Variants in STX11 observed in about 807,000 individuals in gnomAD.
STX11 encodes syntaxin 11, also known as syntaxin-11.
In STX11, 21 loss-of-function variants were observed where a neutral mutation model predicts 19.9. That is an observed-to-expected ratio of 1.06 (90% CI 0.75 to 1.52). The LOEUF is 1.52. STX11 is among the 40% of genes most tolerant of loss of function. STX11 has a pLI of 0.00. For synonymous variants in STX11, 193 were observed against 174.4 expected, an observed-to-expected ratio of 1.11 and a Z score of -0.84; for missense variants, 438 against 405.9, an observed-to-expected ratio of 1.08 and a Z score of -0.68.
upstream of STX11, among the ~76,000 whole-genome samples, chr6:144,149,855 C>A (rs913235548): frequency 3.9e-5 from 6 of 152,228 alleles, no homozygotes; most frequent in South Asian, 2.1e-4. The surrounding 1 kb of genome is among the most constrained non-coding windows in gnomAD (Gnocchi z 5.1). Context: ...CACCACCTGG[C>A]ACAATCCACA....
rs1801794564 is a variant in STX11, at chr6:144,177,007, TA to T, written c.-5-9614del. ...TTTTTCTGGGAGAATTTAACAGGAG[TA>T]ACCAGGCAATGAGACTAGAATAAGT... is the stretch of plus-strand genomic sequence containing the variant. On this transcript the variant is annotated intron_variant, in intron 1 of 1. Transcript: ENST00000367568. This position sits in a 1 kb window ranked among gnomAD's most constrained non-coding sequence, Gnocchi z 4.4. Among the ~76,000 whole-genome samples, 1 of 152,006 alleles carries T rather than the reference TA, an allele frequency of 6.6e-6. No homozygotes were observed. Among genetic ancestry groups the T allele is most frequent in the Non-Finnish European group, 1.5e-5 (1 of 67,996 alleles).
rs759886233 is a variant in STX11, at chr6:144,176,681, A to G, written c.-5-9942A>G. On this transcript the variant is annotated intron_variant, in intron 1 of 1. Coordinates refer to ENST00000367568, the MANE Select transcript of STX11 (RefSeq NM_003764.4). The surrounding 1 kb of genome is among the most constrained non-coding windows in gnomAD (Gnocchi z 4.1). Reference sequence around the variant, plus strand: ...GCTATTTTAACTCCCAGGAAAGAGAAACATTTTAAATCAAATCAAGCTGAT... The same window carrying G: ...GCTATTTTAACTCCCAGGAAAGAGAGACATTTTAAATCAAATCAAGCTGAT... Among the ~76,000 whole-genome samples the G allele has an allele frequency of 3.3e-5, 5 of 152,226 alleles. No individual in the cohort carries two copies. The highest frequency in any genetic ancestry group is 5.9e-5 in the Non-Finnish European group (4 of 68,042).
chr6:144,166,033 G>A (rs1419009806), intron 1 of STX11, among the ~76,000 whole-genome samples: 2 of 152,166 alleles, frequency 1.3e-5, no homozygotes, highest in South Asian at 2.1e-4. Context: ...ATTAGCAGCC[G>A]TAGGAGTATC....
chr6:144,160,167 T>C lies in STX11; in HGVS notation c.-6+9464T>C, dbSNP rs1801298004. Reference sequence around the variant, plus strand: ...ACAGGTGTGCACCACCACACCCAGCTAATTTTTGTATTTTTTTAGTAGAGA... The same window carrying C: ...ACAGGTGTGCACCACCACACCCAGCCAATTTTTGTATTTTTTTAGTAGAGA... On this transcript the variant is annotated intron_variant, in intron 1 of 1. Transcript: ENST00000367568. This position sits in a 1 kb window ranked among gnomAD's most constrained non-coding sequence, Gnocchi z 4.3. Among the ~76,000 whole-genome samples the C allele has an allele frequency of 6.6e-6, 1 of 152,178 alleles. No homozygotes were observed. The highest frequency in any genetic ancestry group is 1.5e-5 in the Non-Finnish European group (1 of 68,040).
Position 144,159,134 on chromosome 6 carries a change from G to T in STX11, c.-6+8431G>T, listed in dbSNP as rs1249823852. Among the ~76,000 whole-genome samples the T allele has an allele frequency of 1.3e-5, 2 of 152,070 alleles. No homozygotes were observed. Among genetic ancestry groups the T allele is most frequent in the African/African-American group, 4.8e-5 (2 of 41,432 alleles). ...AGAGACCTAGCCTCATCAAAAATGA[G>T]TGAAAAAAATAACGATTCTGGTGAG... is the stretch of plus-strand genomic sequence containing the variant. On this transcript the variant is annotated intron_variant, in intron 1 of 1. Coordinates refer to ENST00000367568, the MANE Select transcript of STX11 (RefSeq NM_003764.4). The surrounding 1 kb of genome is among the most constrained non-coding windows in gnomAD (Gnocchi z 4.3).
rs1802204599 is a variant in STX11 at position 144,191,369 on chromosome 6, G to A, written c.*3878G>A. Among the ~76,000 whole-genome samples, 1 of 149,818 alleles carries A rather than the reference G, an allele frequency of 6.7e-6. No homozygotes were observed. ...AGAAGTAATTTTATGGCCTTTTAAG[G>A]TAACAACTTAAAAAGAGAACAGTAC... On this transcript the variant is annotated 3_prime_UTR_variant, in exon 2 of 2. Coordinates refer to ENST00000367568, the MANE Select transcript of STX11 (RefSeq NM_003764.4).
rs1802213369 is a variant in STX11 at position 144,191,841 on chromosome 6, T to G, written c.*4350T>G. ...TCATCATATAAATGATGAGTGTCTT[T>G]GTTATCAACACGTTATTAAGAATGG... On this transcript the variant is annotated 3_prime_UTR_variant, in exon 2 of 2. Transcript: ENST00000367568. 6.6e-6 allele frequency among the ~76,000 whole-genome samples: 1 copy of G among 152,248 alleles called. No homozygotes were observed. The highest frequency in any genetic ancestry group is 6.5e-5 in the Admixed American group (1 of 15,282).
In STX11 at chr6:144,159,582, C is replaced by A. The variant is rs1263094726; in HGVS notation, c.-6+8879C>A. Among the ~76,000 whole-genome samples the A allele has an allele frequency of 6.6e-6, 1 of 151,978 alleles. No homozygotes were observed. Among genetic ancestry groups the A allele is most frequent in the African/African-American group, 2.4e-5 (1 of 41,370 alleles). On this transcript the variant is annotated intron_variant, in intron 1 of 1. Transcript: ENST00000367568. This position sits in a 1 kb window ranked among gnomAD's most constrained non-coding sequence, Gnocchi z 4.3. ...AGACAGTACAGGAAAATGACGCCTT[C>A]ATTTAATGAGGTAAAATAGGTAACA...
rs1326216408 is a variant in STX11 at position 144,151,419 on chromosome 6, A to G, written c.-6+716A>G. The G allele has an allele frequency of 2.0e-6, 2 of 985,308 alleles. No homozygotes were observed. Among genetic ancestry groups the G allele is most frequent in the Non-Finnish European group, 2.4e-6 (2 of 829,938 alleles). The allele number at this position is 985,308 out of a possible 1,614,324, so 61.0% of individuals were successfully genotyped here. On this transcript the variant is annotated intron_variant, in intron 1 of 1. Transcript: ENST00000367568. The surrounding 1 kb of genome is among the most constrained non-coding windows in gnomAD (Gnocchi z 4.6). ...TGTTATTTACAGGTATCCAAAAATG[A>G]GTCACAGGGCTGCTCTCTTAATTGT...
At chr6:144,163,214 C>A (rs903257920) in intron 1 of STX11, among the ~76,000 whole-genome samples, 4 of 152,202 alleles carry the variant, frequency 2.6e-5, no homozygotes, top group African/African-American at 7.2e-5. Flanking sequence ...ACTGTGTCTA[C>A]ATTTAAAATA....
chr6:144,168,130 C>G (rs762527908), intron 1 of STX11, among the ~76,000 whole-genome samples: 13 of 152,306 alleles, frequency 8.5e-5, no homozygotes, highest in Non-Finnish European at 1.5e-4. Flanking sequence ...TTACTGTACA[C>G]TGTATTTTTT....
chr6:144,169,018 A>T lies in STX11; in HGVS notation c.-5-17605A>T, dbSNP rs1408436722. 6.6e-6 allele frequency among the ~76,000 whole-genome samples: 1 copy of T among 152,250 alleles called. No homozygotes were observed. Among genetic ancestry groups the T allele is most frequent in the Admixed American group, 6.5e-5 (1 of 15,282 alleles). On this transcript the variant is annotated intron_variant, in intron 1 of 1. Transcript: ENST00000367568. This position sits in a 1 kb window ranked among gnomAD's most constrained non-coding sequence, Gnocchi z 5.2. ...CCTGCAGTGAACACAAGCTCCTGGT[A>T]CCAAGTGCTTATGAAACTAATCAGA...
At chr6:144,149,009 T>C (rs923046308), upstream of STX11, among the ~76,000 whole-genome samples, 10 of 152,230 alleles carry the variant, frequency 6.6e-5, no homozygotes, top group Non-Finnish European at 1.5e-4. This position sits in a 1 kb window ranked among gnomAD's most constrained non-coding sequence, Gnocchi z 5.1. Context: ...ACTGAGGTTA[T>C]GGTTTTCCAG....
At chr6:144,181,771 G>A (rs1330261893) in intron 1 of STX11, among the ~76,000 whole-genome samples, 1 of 152,094 alleles carries the variant, frequency 6.6e-6, no homozygotes, top group Non-Finnish European at 1.5e-5. Context: ...ACCTCTTGCA[G>A]ACCGAGGACC....
chr6:144,143,417 G>T, the STX11 span, among the ~76,000 whole-genome samples: 1 of 151,998 alleles, frequency 6.6e-6, no homozygotes, highest in Non-Finnish European at 1.5e-5. Context: ...TTAAATAAGG[G>T]GTCTATTATA....
rs1236518457 is a variant in STX11 at position 144,182,434 on chromosome 6, A to G, written c.-5-4189A>G. Among the ~76,000 whole-genome samples, 2 of 152,188 alleles carry G rather than the reference A, an allele frequency of 1.3e-5. No homozygotes were observed. Among genetic ancestry groups the G allele is most frequent in the Non-Finnish European group, 2.9e-5 (2 of 68,016 alleles). On this transcript the variant is annotated intron_variant, in intron 1 of 1. Coordinates refer to ENST00000367568, the MANE Select transcript of STX11 (RefSeq NM_003764.4). This position sits in a 1 kb window ranked among gnomAD's most constrained non-coding sequence, Gnocchi z 4.8. ...CCCTTCCCTCCTTTACCACACCTCA[A>G]TAGAGAATCTTTATGTCTCCTGTAC...
At chr6:144,164,646 A>AT (rs1447984637) in intron 1 of STX11, among the ~76,000 whole-genome samples, 1 of 152,124 alleles carries the variant, frequency 6.6e-6, no homozygotes, top group Non-Finnish European at 1.5e-5. Flanking sequence ...GATGTTTAAG[A>AT]TTTTTTTCAA....
At chr6:144,179,855 T>C (rs1300353651) in intron 1 of STX11, among the ~76,000 whole-genome samples, 1 of 152,216 alleles carries the variant, frequency 6.6e-6, no homozygotes, top group Non-Finnish European at 1.5e-5. Flanking sequence ...TGGTATAAAA[T>C]TAGGACATAG....
In STX11 at chr6:144,186,808, G is replaced by A; in HGVS notation, c.181G>A (p.Asp61Asn). The A allele has an allele frequency of 6.2e-7, 1 of 1,613,748 alleles. No individual in the cohort carries two copies. The highest frequency in any genetic ancestry group is 2.2e-5 in the East Asian group (1 of 44,876). Reference sequence around the variant, plus strand: ...GGATGAAAACCAGCTGCTGGTGGCCGACGTGAAGCGGCTGGGAAAGCAGAA... The same window carrying A: ...GGATGAAAACCAGCTGCTGGTGGCCAACGTGAAGCGGCTGGGAAAGCAGAA... ...IQDENQLLVA[D>N]VKRLGKQNAR... The change falls in exon 2 of 2, where the codon GAC becomes AAC. Residue 61 changes from aspartate to asparagine, a missense_variant. Coordinates refer to ENST00000367568, the MANE Select transcript of STX11 (RefSeq NM_003764.4).
Sources: allele counts gnomAD v4.1 joint callset (sites outside exome capture counted in the v4.1 genomes callset), GRCh38; gene constraint gnomAD v4.1.1; non-coding constraint Gnocchi (gnomAD v3.1); transcripts MANE v1.5; gene names NCBI Gene and HGNC (gene_info 2026-07-23, HGNC 2026-07-21).